Variants in PEX5L observed in about 807,000 individuals in gnomAD.
The protein encoded by PEX5L is PEX5-related protein.
PEX5L carries 30 observed loss-of-function variants against 84.0 expected under a neutral mutation model. That is an observed-to-expected ratio of 0.36 (90% CI 0.27 to 0.48). PEX5L has a LOEUF of 0.48. Among genes scored for constraint, PEX5L ranks in the 20% least tolerant of loss-of-function variants. PEX5L has a pLI of 0.99. For missense variants in PEX5L, 533 were observed against 754.6 expected (o/e 0.71, Z 3.44); for synonymous variants, 270 against 283.1 (o/e 0.95, Z 0.46).
chr3:179,809,605 GT>G lies in PEX5L; in HGVS notation c.1217del (p.Asn406ThrfsTer12), dbSNP rs1215810674. ...ALMALAVSYT[N>X]TGHQQDACDA... is the part of the protein sequence containing the mutation. ...CACAGGCATCCTGCTGATGGCCAGT[GT>G]TAGTATAACTCACAGCCAAGGCCAT... On this transcript the variant is annotated frameshift_variant, in exon 12 of 15. Transcript: ENST00000467460. LOFTEE classifies it high-confidence loss of function. The G allele has an allele frequency of 6.2e-7, 1 of 1,613,110 alleles. No individual in the cohort carries two copies. Among genetic ancestry groups the G allele is most frequent in the South Asian group, 1.1e-5 (1 of 91,042 alleles).
chr3:179,826,633 G>A (rs1730602267), intron 8 of PEX5L, among the ~76,000 whole-genome samples: 1 of 152,098 alleles, frequency 6.6e-6, no homozygotes, highest in South Asian at 2.1e-4. Context: ...AGGGTCTTGG[G>A]GTTTGAATCT....
chr3:179,960,342 T>C (rs1178739877), intron 2 of PEX5L, among the ~76,000 whole-genome samples: 1 of 152,178 alleles, frequency 6.6e-6, no homozygotes, highest in Non-Finnish European at 1.5e-5. Context: ...TTCAAGGTGT[T>C]CAGTATGAAT....
At chr3:179,974,207 C>CA in intron 1 of PEX5L, 2 of 985,110 alleles carry the variant, frequency 2.0e-6, no homozygotes, top group Non-Finnish European at 2.4e-6. Flanking sequence ...TCACAGTAGC[C>CA]AAAGGACTGA....
intron 1 of PEX5L, among the ~76,000 whole-genome samples, chr3:180,018,232 T>C (rs766629570): frequency 9.2e-5 from 14 of 152,206 alleles, no homozygotes; most frequent in Non-Finnish European, 2.1e-4. Context: ...TCATATAATA[T>C]TTTTATACAT....
At position 180,030,893 on chromosome 3, in the gene PEX5L, A is replaced by G. The variant is rs913132417; in HGVS notation, c.21+5686T>C. Among the ~76,000 whole-genome samples, 5 of 150,868 alleles carry G rather than the reference A, an allele frequency of 3.3e-5. 1 individual carries two copies. The highest frequency in any genetic ancestry group is 2.4e-5 in the African/African-American group (1 of 41,124). The stretch of plus-strand genomic sequence containing the variant: ...ATTTCACTTGGGTCAGGTTAACCCC[A>G]TTTTGGAGCTGCTGGCGGGGATTTT... On this transcript the variant is annotated intron_variant, in intron 1 of 14. Transcript: ENST00000467460.
rs143056272 is a variant in PEX5L at position 179,933,307 on chromosome 3, G to A, written c.94-35061C>T. On this transcript the variant is annotated intron_variant, in intron 2 of 14. Transcript: ENST00000467460. ...GGAAATGATTATGGCCACCTGCTGC[G>A]TAAGTGCTATATGCACATGTGCCTT... Among the ~76,000 whole-genome samples, 93 of 152,306 alleles carry A rather than the reference G, an allele frequency of 6.1e-4. No individual in the cohort carries two copies. In the East Asian group the frequency reaches 9.5e-3, roughly 15 times the overall value.
chr3:179,971,758 T>C, intron 1 of PEX5L, 93 bp from the exon 2 acceptor site: 2 of 1,268,924 alleles, frequency 1.6e-6, no homozygotes, highest in Admixed American at 2.9e-5. Flanking sequence ...AGTCTTAGCC[T>C]TGTTCACCAG....
At chr3:179,849,410 T>G (rs539618640) in intron 8 of PEX5L, among the ~76,000 whole-genome samples, 1 of 152,378 alleles carries the variant, frequency 6.6e-6, no homozygotes, top group East Asian at 1.9e-4. Context: ...TCATAGCACA[T>G]GAAATCCAAT....
chr3:179,859,806 A>G (rs1363213802), intron 7 of PEX5L, among the ~76,000 whole-genome samples: 2 of 152,206 alleles, frequency 1.3e-5, no homozygotes, highest in African/African-American at 4.8e-5. Flanking sequence ...TAGGCAATGT[A>G]ATATTTACAC....
rs567342482 is a variant in PEX5L, at chr3:179,851,700, A to G, written c.822+7362T>C. Among the ~76,000 whole-genome samples the G allele has an allele frequency of 2.3e-4, 35 of 152,328 alleles. 1 individual carries two copies. Among genetic ancestry groups the G allele is most frequent in the Non-Finnish European group, 4.0e-4 (27 of 68,024 alleles). On this transcript the variant is annotated intron_variant, in intron 8 of 14. Transcript: ENST00000467460. The stretch of plus-strand genomic sequence containing the variant: ...ACGGAAGGTTAGAAAGCTGCTTTCA[A>G]TGAAGATTGTCATGAAGAGAGGTCT...
rs1717573991 is a variant in PEX5L at position 179,797,632 on chromosome 3, C to CTATATATATATATATATATATA, written c.*4195_*4196insTATATATATATATATATATATA. The CTATATATATATATATATATATA allele has an allele frequency of 7.9e-6, 1 of 125,962 alleles. No homozygotes were observed. The highest frequency in any genetic ancestry group is 2.9e-5 in the African/African-American group (1 of 34,514). The allele number at this position is 125,962 out of a possible 1,614,324, so 7.8% of individuals were successfully genotyped here. A position where few individuals can be genotyped will look rare whatever the true frequency, so the allele number is the denominator to read the frequency against. ...TATATATATATATATATATATATATCTACTTCTTAGTTCAAAACAGTTTAA... is the reference window on the plus strand; with the variant it reads ...TATATATATATATATATATATATATCTATATATATATATATATATATATACTTCTTAGTTCAAAACAGTTTAA... On this transcript the variant is annotated 3_prime_UTR_variant, in exon 15 of 15. Transcript: ENST00000467460.
intron 2 of PEX5L, among the ~76,000 whole-genome samples, chr3:179,919,050 T>C (rs1334218386): frequency 6.6e-6 from 1 of 152,222 alleles, no homozygotes; most frequent in African/African-American, 2.4e-5. Context: ...CAAGTACTAT[T>C]TCATTCTATG....
chr3:179,909,973 T>C (rs1764615840), intron 2 of PEX5L, among the ~76,000 whole-genome samples: 1 of 152,246 alleles, frequency 6.6e-6, no homozygotes, highest in Admixed American at 6.5e-5. Context: ...TGGTACTTTG[T>C]CATGGAAGCC....
At chr3:179,946,778 A>G (rs979822847) in intron 2 of PEX5L, among the ~76,000 whole-genome samples, 5 of 152,238 alleles carry the variant, frequency 3.3e-5, no homozygotes, top group Non-Finnish European at 5.9e-5. Context: ...TCTCTCATTA[A>G]TAACAGCACA....
chr3:179,905,390 A>C (rs1002799042), intron 2 of PEX5L, among the ~76,000 whole-genome samples: 3 of 151,700 alleles, frequency 2.0e-5, no homozygotes, highest in East Asian at 3.9e-4. Context: ...CTCCTGCCTC[A>C]GTCTCCCGAG....
intron 1 of PEX5L, among the ~76,000 whole-genome samples, chr3:179,994,120 T>C (rs1579268494): frequency 6.6e-6 from 1 of 152,324 alleles, no homozygotes; most frequent in East Asian, 1.9e-4. Context: ...ATGGTGGACA[T>C]TCAGGTTTTT....
At chr3:179,873,760 TGA>T (rs949190248) in intron 7 of PEX5L, among the ~76,000 whole-genome samples, 1 of 152,198 alleles carries the variant, frequency 6.6e-6, no homozygotes, top group African/African-American at 2.4e-5. Flanking sequence ...CAGGATTATT[TGA>T]GTATTTTATA....
intron 1 of PEX5L, among the ~76,000 whole-genome samples, chr3:180,010,248 T>C (rs1789324582): frequency 7.3e-6 from 1 of 137,278 alleles, no homozygotes; most frequent in Non-Finnish European, 1.6e-5. Flanking sequence ...CCCGGCCTCT[T>C]TTTTTTTTTT....
At chr3:179,868,238 T>C (rs1049635949) in intron 7 of PEX5L, among the ~76,000 whole-genome samples, 2 of 151,964 alleles carry the variant, frequency 1.3e-5, no homozygotes, top group African/African-American at 4.8e-5. Flanking sequence ...CTTTCCTCTT[T>C]AGCTGTGTCA....
Sources: allele counts gnomAD v4.1 joint callset (sites outside exome capture counted in the v4.1 genomes callset), GRCh38; gene constraint gnomAD v4.1.1; transcripts MANE v1.5; gene names NCBI Gene and HGNC (gene_info 2026-07-23, HGNC 2026-07-21).